The following PCDH17 variants were observed in gnomAD, a reference collection of about 807,000 sequenced individuals.
PCDH17 encodes the protein protocadherin 17, also known as protocadherin-17.
In PCDH17, 21 loss-of-function variants were observed where a neutral mutation model predicts 67.7. The ratio of observed to expected loss-of-function variants is 0.31; its 90% CI spans 0.22 to 0.45. The LOEUF (loss-of-function observed/expected upper bound fraction) is 0.45. PCDH17 is among the 20% of genes least tolerant of loss of function. PCDH17 has a pLI of 1.00. For synonymous variants in PCDH17, 701 were observed against 656.7 expected (o/e 1.07, Z -1.03); for missense variants, 1,471 against 1,564.8 (o/e 0.94, Z 1.01).
chr13:57,641,571 AAAAAAAAAAAAAAAAAATAT>A (rs1488299004), intron 1 of PCDH17, among the ~76,000 whole-genome samples: 2 of 33,094 alleles, frequency 6.0e-5, no homozygotes, highest in African/African-American at 1.2e-4. Flanking sequence ...AAAAAAAAAA[AAAAAAAAAAAAAAAAAATAT>A]ATATATATAT....
intron 3 of PCDH17, among the ~76,000 whole-genome samples, chr13:57,679,462 T>C (rs1955427845): frequency 6.6e-6 from 1 of 151,308 alleles, no homozygotes; most frequent in South Asian, 2.1e-4. Flanking sequence ...CCTAGGCACA[T>C]GGTAATGTAT....
intron 1 of PCDH17, among the ~76,000 whole-genome samples, chr13:57,641,578 AAAAAAAAAAATATATATATATATATAT>A (rs1260150247): frequency 3.9e-4 from 33 of 84,808 alleles, no homozygotes; most frequent in Middle Eastern, 7.8e-3. Context: ...AAAAAAAAAA[AAAAAAAAAAATATATATATATATATAT>A]ATATATATAT....
At chr13:57,641,299 A>G (rs894026521) in intron 1 of PCDH17, among the ~76,000 whole-genome samples, 2 of 151,662 alleles carry the variant, frequency 1.3e-5, no homozygotes, top group Non-Finnish European at 2.9e-5. Context: ...GGAATAAGTT[A>G]TCTACAATAA....
At chr13:57,674,796 T>A (rs1302593738) in intron 3 of PCDH17, among the ~76,000 whole-genome samples, 1 of 151,952 alleles carries the variant, frequency 6.6e-6, no homozygotes, top group Non-Finnish European at 1.5e-5. Flanking sequence ...TCCCCAGAAA[T>A]TTTCTCTTAT....
At chr13:57,659,498 A>T (rs1464986291) in intron 1 of PCDH17, among the ~76,000 whole-genome samples, 1 of 152,174 alleles carries the variant, frequency 6.6e-6, no homozygotes, top group East Asian at 1.9e-4. Context: ...TTAAAAACTT[A>T]TAATGAGAAT....
chr13:57,662,003 G>A (rs1011605776), intron 1 of PCDH17, among the ~76,000 whole-genome samples: 2 of 152,074 alleles, frequency 1.3e-5, no homozygotes, highest in Non-Finnish European at 2.9e-5. Flanking sequence ...GGGATTACAG[G>A]CATGTGCCTT....
At chr13:57,649,658 A>G (rs1046955947) in intron 1 of PCDH17, among the ~76,000 whole-genome samples, 2 of 152,190 alleles carry the variant, frequency 1.3e-5, no homozygotes, top group Non-Finnish European at 2.9e-5. Flanking sequence ...ATAATATGTC[A>G]TGATTTTCAT....
intron 3 of PCDH17, among the ~76,000 whole-genome samples, chr13:57,689,398 T>G (rs1216240744): frequency 6.6e-6 from 1 of 151,916 alleles, no homozygotes; most frequent in Non-Finnish European, 1.5e-5. Flanking sequence ...TTAGAGGAAG[T>G]GTCAGATAGT....
chr13:57,674,533 G>A (rs192653007), intron 3 of PCDH17, among the ~76,000 whole-genome samples: 4 of 151,850 alleles, frequency 2.6e-5, no homozygotes, highest in Admixed American at 1.3e-4. Flanking sequence ...TGTTTCATTG[G>A]CCAGGCTGCT....
intron 3 of PCDH17, among the ~76,000 whole-genome samples, chr13:57,712,202 T>G (rs896184496): frequency 2.0e-5 from 3 of 151,746 alleles, no homozygotes; most frequent in Admixed American, 6.6e-5. Flanking sequence ...AGACCTTGGA[T>G]TTTAATACTG....
Position 57,633,889 on chromosome 13 carries a change from G to C in PCDH17, c.1343G>C (p.Gly448Ala). ...GTGACCATCGTGGCGCGGGACGGGG[G>C]CTCTCCTCCCCTCAACTCCACCAAG... ...YNVTIVARDG[G>A]SPPLNSTKSF... The change falls in exon 1 of 4, where the codon GGC (glycine) becomes GCC (alanine). Residue 448 changes from glycine to alanine, a missense_variant. Physicochemically the swap from Gly to Ala is moderately conservative, Grantham distance 60. Transcript: ENST00000377918. The surrounding 1 kb of genome is among the most constrained non-coding windows in gnomAD (Gnocchi z 6.2). The C allele has an allele frequency of 2.5e-6, 4 of 1,613,152 alleles. No homozygotes were observed. Among genetic ancestry groups the C allele is most frequent in the Non-Finnish European group, 3.4e-6 (4 of 1,180,036 alleles).
At chr13:57,637,147 CTT>C (rs945161744) in intron 1 of PCDH17, among the ~76,000 whole-genome samples, 1 of 152,002 alleles carries the variant, frequency 6.6e-6, no homozygotes, top group East Asian at 1.9e-4. Flanking sequence ...AAAGAGAAAA[CTT>C]TTTTTAACAT....
rs545351389 is a variant in PCDH17, at chr13:57,668,729, C to A, written c.2797+1896C>A. Among the ~76,000 whole-genome samples the A allele has an allele frequency of 8.6e-5, 13 of 152,042 alleles. No individual in the cohort carries two copies. The East Asian group carries it at 2.3e-3, about 27-fold the overall frequency. On this transcript the variant is annotated intron_variant, in intron 3 of 3. Transcript: ENST00000377918. ...ATTGCTAGTCTAAGAGTAAGAATGC[C>A]ACACATCCCTATTAGTAAATACAGG...
At chr13:57,716,207 C>A (rs949850742) in intron 3 of PCDH17, among the ~76,000 whole-genome samples, 1 of 151,924 alleles carries the variant, frequency 6.6e-6, no homozygotes, top group Non-Finnish European at 1.5e-5. Context: ...TGTCTGATGA[C>A]TTTCCAATCA....
At chr13:57,673,620 T>C (rs74897748) in intron 3 of PCDH17, among the ~76,000 whole-genome samples, 4,553 of 151,990 alleles carry the variant, frequency 0.03, 228 homozygotes, top group African/African-American at 0.098. Flanking sequence ...AAATTTGTCT[T>C]AGGAAGGAAA....
At chr13:57,689,487 TTGA>T (rs1955537805) in intron 3 of PCDH17, among the ~76,000 whole-genome samples, 1 of 152,014 alleles carries the variant, frequency 6.6e-6, no homozygotes, top group South Asian at 2.1e-4. Context: ...AATTACCTTA[TTGA>T]TGATGTTTGT....
At chr13:57,705,308 A>T (rs1289120338) in intron 3 of PCDH17, among the ~76,000 whole-genome samples, 1 of 152,068 alleles carries the variant, frequency 6.6e-6, no homozygotes, top group East Asian at 1.9e-4. Flanking sequence ...TAATAAATGT[A>T]TAAATATGAA....
At chr13:57,644,423 C>T (rs1395862746) in intron 1 of PCDH17, among the ~76,000 whole-genome samples, 2 of 151,574 alleles carry the variant, frequency 1.3e-5, no homozygotes, top group Admixed American at 1.3e-4. Flanking sequence ...AGACTTTCCA[C>T]GATTTTTTAT....
At chr13:57,671,319 C>CT (rs1055494546) in intron 3 of PCDH17, among the ~76,000 whole-genome samples, 5 of 149,978 alleles carry the variant, frequency 3.3e-5, no homozygotes, top group Non-Finnish European at 5.9e-5. Flanking sequence ...ATATCTGATC[C>CT]TTTTTTTTAA....
Sources: gnomAD v4.1 joint callset for allele counts (sites outside exome capture counted in the v4.1 genomes callset) on GRCh38, gnomAD v4.1.1 for gene constraint, Gnocchi (gnomAD v3.1) non-coding constraint, MANE v1.5 for transcripts, NCBI Gene and HGNC (gene_info 2026-07-23, HGNC 2026-07-21) for gene names.